ABLIM2: variants seen among roughly 807,000 people sequenced by gnomAD.
ABLIM2 encodes the protein actin-binding LIM protein 2.
In ABLIM2, 53 loss-of-function variants were observed where a neutral mutation model predicts 97.7. The ratio of observed to expected loss-of-function variants is 0.54; its 90% CI spans 0.44 to 0.68. The LOEUF (loss-of-function observed/expected upper bound fraction) is 0.68. Among genes scored for constraint, ABLIM2 ranks in the 30% least tolerant of loss-of-function variants. The probability of loss-of-function intolerance (pLI) is 0.00; values close to 1 mark genes in which losing one functional copy is unlikely to be tolerated. For missense variants in ABLIM2, 835 were observed against 867.2 expected, an observed-to-expected ratio of 0.96 and a Z score of 0.47; for synonymous variants, 361 against 345.8, an observed-to-expected ratio of 1.04 and a Z score of -0.49.
intron 15 of ABLIM2, among the ~76,000 whole-genome samples, chr4:8,008,729 G>A (rs1762962362): frequency 6.6e-6 from 1 of 152,226 alleles, no homozygotes; most frequent in Non-Finnish European, 1.5e-5. Context: ...CCTTTATGAA[G>A]AACGTCTGAT....
intron 17 of ABLIM2, among the ~76,000 whole-genome samples, chr4:7,985,850 G>T (rs1743500065): frequency 6.6e-6 from 1 of 152,186 alleles, no homozygotes; most frequent in Non-Finnish European, 1.5e-5. Context: ...CTGTCCACCT[G>T]GAAGCATCAT....
intron 12 of ABLIM2, among the ~76,000 whole-genome samples, chr4:8,024,082 A>G (rs1252802712): frequency 1.3e-5 from 2 of 152,192 alleles, no homozygotes; most frequent in East Asian, 1.9e-4. Flanking sequence ...GCCGCTCAGC[A>G]AGATGAAGAG....
intron 16 of ABLIM2, chr4:8,007,000 A>G (rs1761877738): frequency 2.0e-6 from 2 of 984,624 alleles, no homozygotes; most frequent in Non-Finnish European, 2.4e-6. Flanking sequence ...ACCTGCTTAC[A>G]GAGATCATAC....
chr4:8,090,413 AC>A (rs1255139612), intron 3 of ABLIM2, among the ~76,000 whole-genome samples: 1 of 152,230 alleles, frequency 6.6e-6, no homozygotes, highest in Non-Finnish European at 1.5e-5. Context: ...CGCCCACAGG[AC>A]ATCCTGCCTA....
rs1792603899 is a variant in ABLIM2 at position 8,046,578 on chromosome 4, C to T, written c.823-1337G>A. Among the ~76,000 whole-genome samples, 1 of 152,156 alleles carries T rather than the reference C, an allele frequency of 6.6e-6. No individual in the cohort carries two copies. Among genetic ancestry groups the T allele is most frequent in the Admixed American group, 6.5e-5 (1 of 15,284 alleles). ...AGCCCCCACTGCAGCTCCCTCCTCT[C>T]ATTTTCTGAGTAGACCCTTTTCTTG... is the stretch of plus-strand genomic sequence containing the variant. On this transcript the variant is annotated intron_variant, in intron 8 of 20. Coordinates refer to ENST00000447017, the MANE Select transcript of ABLIM2 (RefSeq NM_001130083.2). The surrounding 1 kb of genome is among the most constrained non-coding windows in gnomAD (Gnocchi z 4.4).
At chr4:8,038,130 C>G (rs1785746194) in intron 9 of ABLIM2, among the ~76,000 whole-genome samples, 1 of 152,202 alleles carries the variant, frequency 6.6e-6, no homozygotes, top group Non-Finnish European at 1.5e-5. Context: ...GAGACATGCA[C>G]TGGGCTGAGC....
intron 1 of ABLIM2, among the ~76,000 whole-genome samples, chr4:8,152,213 C>T (rs1027820003): frequency 6.6e-6 from 1 of 152,236 alleles, no homozygotes; most frequent in East Asian, 1.9e-4. Flanking sequence ...CCCACAGCCA[C>T]CGGCTAAAGC....
Position 8,015,013 on chromosome 4 carries a change from C to T in ABLIM2, c.1423+4605G>A, listed in dbSNP as rs1767893176. On this transcript the variant is annotated intron_variant, in intron 14 of 20. Coordinates refer to ENST00000447017, the MANE Select transcript of ABLIM2 (RefSeq NM_001130083.2). This position sits in a 1 kb window ranked among gnomAD's most constrained non-coding sequence, Gnocchi z 4.6. ...TCGGCTCACTGCAACCTCCGCCTCC[C>T]AGGTTCAAGCAATTCTCGTACTTCA... Among the ~76,000 whole-genome samples, 1 of 151,940 alleles carries T rather than the reference C, an allele frequency of 6.6e-6. No homozygotes were observed. The highest frequency in any genetic ancestry group is 2.4e-5 in the African/African-American group (1 of 41,370).
intron 6 of ABLIM2, among the ~76,000 whole-genome samples, chr4:8,074,923 T>A (rs1332412203): frequency 6.6e-6 from 1 of 152,008 alleles, no homozygotes; most frequent in Admixed American, 6.6e-5. Context: ...GTAGCTGGGA[T>A]TACAGGCACC....
At position 8,087,876 on chromosome 4, in the gene ABLIM2, T is replaced by A. The variant is rs1052990671; in HGVS notation, c.454+293A>T. Among the ~76,000 whole-genome samples, 2 of 151,864 alleles carry A rather than the reference T, an allele frequency of 1.3e-5. No homozygotes were observed. The highest frequency in any genetic ancestry group is 2.9e-5 in the Non-Finnish European group (2 of 67,934). On this transcript the variant is annotated intron_variant, in intron 4 of 20. Coordinates refer to ENST00000447017, the MANE Select transcript of ABLIM2 (RefSeq NM_001130083.2). The surrounding 1 kb of genome is among the most constrained non-coding windows in gnomAD (Gnocchi z 4.6). ...CCAGAAACTTCCATCCCTGGCTGCC[T>A]CCTCACATTTATTCACAGCGTTCAC...
In ABLIM2 at chr4:7,999,450, A is replaced by AT. The variant is rs759431591; in HGVS notation, c.1619-6524dup. 1.3e-5 allele frequency among the ~76,000 whole-genome samples: 2 copies of AT among 152,218 alleles called. No individual in the cohort carries two copies. The highest frequency in any genetic ancestry group is 2.9e-5 in the Non-Finnish European group (2 of 68,042). Reference sequence around the variant, plus strand: ...CACTAAACATGAACCCATTTTACAGATGAGGAAGCTGAGACCTAATGATAT... The same window carrying AT: ...CACTAAACATGAACCCATTTTACAGATTGAGGAAGCTGAGACCTAATGATAT... On this transcript the variant is annotated intron_variant, in intron 16 of 20. Transcript: ENST00000447017. This position sits in a 1 kb window ranked among gnomAD's most constrained non-coding sequence, Gnocchi z 4.4.
At chr4:8,157,345 G>T (rs574957035) in intron 1 of ABLIM2, among the ~76,000 whole-genome samples, 26 of 152,346 alleles carry the variant, frequency 1.7e-4, no homozygotes, top group Admixed American at 1.3e-3. Flanking sequence ...CCTGCCATTA[G>T]ATAAATGTGT....
chr4:7,987,493 A>ACC (rs35845962), intron 17 of ABLIM2, among the ~76,000 whole-genome samples: 30,724 of 151,978 alleles, frequency 0.2, 3,796 homozygotes, highest in East Asian at 0.4. Context: ...TGGTCAGGGA[A>ACC]CCCCCAGTAT....
At chr4:8,060,300 C>T (rs1194021422) in intron 7 of ABLIM2, among the ~76,000 whole-genome samples, 1 of 152,184 alleles carries the variant, frequency 6.6e-6, no homozygotes, top group Non-Finnish European at 1.5e-5. Flanking sequence ...CCTCAAGTCT[C>T]GCCCTTTCTT....
chr4:7,968,755 G>A (rs1021484164), intron 20 of ABLIM2, among the ~76,000 whole-genome samples: 2 of 152,094 alleles, frequency 1.3e-5, no homozygotes, highest in African/African-American at 4.8e-5. Context: ...GAGCTGGAAT[G>A]TTCCGGAGTT....
chr4:8,088,143 C>T, intron 4 of ABLIM2, 26 bp downstream of exon 4: 1 of 1,413,402 alleles, frequency 7.1e-7, no homozygotes, highest in Non-Finnish European at 9.5e-7. Flanking sequence ...CCCCACTCAA[C>T]ATGCCCCCAC....
rs574688462 is a variant in ABLIM2 at position 8,071,931 on chromosome 4, G to A, written c.675+5697C>T. 60 of 985,386 alleles carry A rather than the reference G, an allele frequency of 6.1e-5. No homozygotes were observed. In the African/African-American group the frequency reaches 9.8e-4, roughly 16 times the overall value. 61.0% of individuals were successfully genotyped at this position (985,386 alleles called of 1,614,324 possible). A position where few individuals can be genotyped will look rare whatever the true frequency, so the allele number is the denominator to read the frequency against. ...GTCCACTGTCACCCAGCGGGGCACC[G>A]GCACACTGGGCCGAGCATCAGGCAG... On this transcript the variant is annotated intron_variant, in intron 6 of 20. Transcript: ENST00000447017. This position sits in a 1 kb window ranked among gnomAD's most constrained non-coding sequence, Gnocchi z 6.2.
rs1364324415 is a variant in ABLIM2, at chr4:8,087,904, C to T, written c.454+265G>A. Among the ~76,000 whole-genome samples the T allele has an allele frequency of 6.6e-6, 1 of 151,978 alleles. No homozygotes were observed. The highest frequency in any genetic ancestry group is 1.9e-4 in the East Asian group (1 of 5,162). ...TCACATTTATTCACAGCGTTCACTG[C>T]AGCTGCTGCTGCTCTGGGTCCCCGT... On this transcript the variant is annotated intron_variant, in intron 4 of 20. Coordinates refer to ENST00000447017, the MANE Select transcript of ABLIM2 (RefSeq NM_001130083.2). The surrounding 1 kb of genome is among the most constrained non-coding windows in gnomAD (Gnocchi z 4.6).
intron 8 of ABLIM2, among the ~76,000 whole-genome samples, chr4:8,047,358 T>TTCCTCCTCC (rs139472480): frequency 0.019 from 2,791 of 149,112 alleles, 43 homozygotes; most frequent in African/African-American, 0.037. Context: ...CCACCGCCTC[T>TTCCTCCTCC]TCCTCCTCCT....
Sources: allele counts gnomAD v4.1 joint callset (sites outside exome capture counted in the v4.1 genomes callset), GRCh38; gene constraint gnomAD v4.1.1; non-coding constraint Gnocchi (gnomAD v3.1); transcripts MANE v1.5; gene names NCBI Gene and HGNC (gene_info 2026-07-23, HGNC 2026-07-21).